RHOBTB1: variants seen among roughly 807,000 people sequenced by gnomAD.
The protein encoded by RHOBTB1 is rho-related BTB domain-containing protein 1.
RHOBTB1 carries 40 observed loss-of-function variants against 71.6 expected under a neutral mutation model. That is an observed-to-expected ratio of 0.56 (90% CI 0.43 to 0.73). The LOEUF (loss-of-function observed/expected upper bound fraction) is 0.73, where lower values mean the gene tolerates loss of function less well. Among genes scored for constraint, RHOBTB1 ranks in the 30% least tolerant of loss-of-function variants. The probability of loss-of-function intolerance (pLI) is 0.00; values close to 1 mark genes in which losing one functional copy is unlikely to be tolerated. For missense variants in RHOBTB1, 797 were observed against 894.0 expected, an observed-to-expected ratio of 0.89 and a Z score of 1.38; for synonymous variants, 319 against 334.9, an observed-to-expected ratio of 0.95 and a Z score of 0.52.
chr10:61,001,271 C>A (rs1415681546), intron 1 of RHOBTB1: 2 of 152,176 alleles, frequency 1.3e-5, no homozygotes, highest in Non-Finnish European at 2.9e-5. Flanking sequence ...CAAGCTCTCG[C>A]GTCCCCATGA....
At chr10:60,923,228 A>G (rs150133710) in intron 2 of RHOBTB1, among the ~76,000 whole-genome samples, 4 of 152,336 alleles carry the variant, frequency 2.6e-5, no homozygotes, top group Non-Finnish European at 4.4e-5. Context: ...GCAATTACCT[A>G]AAGGCACAGA....
chr10:60,969,682 C>T (rs1203588666), intron 2 of RHOBTB1, among the ~76,000 whole-genome samples: 1 of 152,090 alleles, frequency 6.6e-6, no homozygotes, highest in Non-Finnish European at 1.5e-5. Context: ...AGCATCACTT[C>T]AGTTGTCAGA....
At chr10:60,933,650 G>A (rs1200159879) in intron 2 of RHOBTB1, among the ~76,000 whole-genome samples, 3 of 151,700 alleles carry the variant, frequency 2.0e-5, no homozygotes, top group African/African-American at 7.3e-5. Context: ...GCAGTGAGCC[G>A]AGACCACGCC....
rs115330641 is a variant in RHOBTB1 at position 60,993,145 on chromosome 10, G to C, written c.-162-7200C>G. ...GCTTGGTTAGGTAAAAAGAGGAGCTGTAAGAAAATGGAGAAAACCCATTGT... is the reference window on the plus strand; with the variant it reads ...GCTTGGTTAGGTAAAAAGAGGAGCTCTAAGAAAATGGAGAAAACCCATTGT... On this transcript the variant is annotated intron_variant, in intron 1 of 11. Transcript: ENST00000357917. 3.0e-3 allele frequency among the ~76,000 whole-genome samples: 457 copies of C among 152,178 alleles called. 7 individuals carry two copies. Among genetic ancestry groups the C allele is most frequent in the African/African-American group, 0.01 (422 of 41,518 alleles).
rs141342559 is a variant in RHOBTB1 at position 60,987,415 on chromosome 10, T to C, written c.-162-1470A>G. ...CTTAAAATCAGTGGCACTGCCACTCTCCCTGGTTCAACACTTGGCATCATC... is the reference window on the plus strand; with the variant it reads ...CTTAAAATCAGTGGCACTGCCACTCCCCCTGGTTCAACACTTGGCATCATC... On this transcript the variant is annotated intron_variant, in intron 1 of 11. Transcript: ENST00000357917. 2.3e-3 allele frequency among the ~76,000 whole-genome samples: 345 copies of C among 152,306 alleles called. 2 individuals are homozygous for C. Among genetic ancestry groups the C allele is most frequent in the African/African-American group, 7.1e-3 (297 of 41,562 alleles).
At chr10:60,940,333 A>T (rs1391139492) in intron 2 of RHOBTB1, among the ~76,000 whole-genome samples, 1 of 152,206 alleles carries the variant, frequency 6.6e-6, no homozygotes, top group African/African-American at 2.4e-5. Flanking sequence ...CAACTGTTAC[A>T]AATTACTCTA....
At chr10:60,938,758 A>T (rs542466974) in intron 2 of RHOBTB1, among the ~76,000 whole-genome samples, 23 of 152,292 alleles carry the variant, frequency 1.5e-4, no homozygotes, top group Non-Finnish European at 3.4e-4. Flanking sequence ...GCAAATATAT[A>T]TTCAAGTTCT....
chr10:60,991,860 C>T (rs1565209077), intron 1 of RHOBTB1, among the ~76,000 whole-genome samples: 1 of 152,158 alleles, frequency 6.6e-6, no homozygotes, highest in African/African-American at 2.4e-5. Context: ...ACAGAACCTT[C>T]TAACTCTCTT....
chr10:60,986,395 T>A (rs2086660053), intron 1 of RHOBTB1, among the ~76,000 whole-genome samples: 1 of 104,930 alleles, frequency 9.5e-6, no homozygotes, highest in Non-Finnish European at 1.8e-5. Context: ...TAATGAAATA[T>A]AAATAAAAGA....
At chr10:60,908,014 G>C (rs1312455167) in intron 4 of RHOBTB1, among the ~76,000 whole-genome samples, 1 of 152,202 alleles carries the variant, frequency 6.6e-6, no homozygotes, top group Non-Finnish European at 1.5e-5. Context: ...GCACACAGTA[G>C]GCTTTTGAAA....
At chr10:60,863,300 T>C in the RHOBTB1 span, among the ~76,000 whole-genome samples, 1 of 152,230 alleles carries the variant, frequency 6.6e-6, no homozygotes, top group African/African-American at 2.4e-5. Flanking sequence ...TTAGGTTCTA[T>C]AACTTTGAGA....
intron 1 of RHOBTB1, among the ~76,000 whole-genome samples, chr10:60,992,983 A>C (rs931784496): frequency 1.3e-5 from 2 of 152,216 alleles, no homozygotes; most frequent in African/African-American, 4.8e-5. Flanking sequence ...AAGGAAACTA[A>C]GGTTAGCAGG....
At chr10:60,965,915 A>T (rs910367184) in intron 2 of RHOBTB1, among the ~76,000 whole-genome samples, 30 of 150,564 alleles carry the variant, frequency 2.0e-4, no homozygotes, top group African/African-American at 6.3e-4. Flanking sequence ...ACTGATATTT[A>T]AAAAAAAAAT....
At chr10:60,878,769 T>C (rs554379729) in intron 7 of RHOBTB1, among the ~76,000 whole-genome samples, 2 of 152,302 alleles carry the variant, frequency 1.3e-5, no homozygotes, top group Admixed American at 6.5e-5. Flanking sequence ...TAGTTGTCCA[T>C]ATAAATGCAT....
In RHOBTB1 at chr10:60,877,999, G is replaced by A; in HGVS notation, c.1635C>T (p.Thr545=). 6.2e-7 allele frequency: 1 copy of A among 1,613,204 alleles called. No individual in the cohort carries two copies. The change falls in exon 8 of 11, where the codon ACC becomes ACT. Residue 545 remains threonine (T), a synonymous_variant. Transcript: ENST00000337910. The part of the protein sequence containing the change: ...SMQAVLDYLY[T]KQLSPNLDLD... ...GATCCAAGTTAGGAGACAACTGCTT[G>A]GTATAGAGATAATCCAATACTGCTT...
intron 7 of RHOBTB1, among the ~76,000 whole-genome samples, chr10:60,879,440 C>T (rs559396742): frequency 2.9e-4 from 44 of 152,138 alleles, no homozygotes; most frequent in African/African-American, 1.0e-3. Flanking sequence ...CTCAAGCAAT[C>T]CTCCCACCTC....
intron 10 of RHOBTB1, 74 bp downstream of exon 10, chr10:60,872,111 C>A: frequency 9.0e-7 from 1 of 1,114,380 alleles, no homozygotes; most frequent in Non-Finnish European, 1.4e-6. Context: ...TGTTCCTTTC[C>A]AGGGACATAG....
intron 2 of RHOBTB1, among the ~76,000 whole-genome samples, chr10:60,924,146 A>G (rs977918850): frequency 6.6e-6 from 1 of 152,210 alleles, no homozygotes; most frequent in African/African-American, 2.4e-5. Flanking sequence ...TCAATGACAA[A>G]CAAATTGTAC....
At chr10:60,889,464 T>C (rs976709550) in intron 5 of RHOBTB1, among the ~76,000 whole-genome samples, 1 of 152,218 alleles carries the variant, frequency 6.6e-6, no homozygotes, top group African/African-American at 2.4e-5. Flanking sequence ...AATGGCATTG[T>C]TTTTTAAATT....
Sources: gnomAD v4.1 joint callset for allele counts (sites outside exome capture counted in the v4.1 genomes callset) on GRCh38, gnomAD v4.1.1 for gene constraint, MANE v1.5 for transcripts, NCBI Gene and HGNC (gene_info 2026-07-23, HGNC 2026-07-21) for gene names.